Variants in ZFHX4 observed in about 807,000 individuals in gnomAD.
ZFHX4 encodes the protein zinc finger homeobox 4.
A neutral mutation model predicts 267.6 loss-of-function variants in ZFHX4; 56 were observed. The ratio of observed to expected loss-of-function variants is 0.21; its 90% CI spans 0.17 to 0.26. The LOEUF is 0.26. Among genes scored for constraint, ZFHX4 ranks in the 10% least tolerant of loss-of-function variants. ZFHX4 has a pLI of 1.00. For synonymous variants in ZFHX4, 1,778 were observed against 1,665.6 expected (o/e 1.07, Z -1.64); for missense variants, 4,332 against 4,420.0 (o/e 0.98, Z 0.56).
chr8:76,853,191 G>A lies in ZFHX4; in HGVS notation c.6270G>A (p.Ala2090=). The change falls in exon 10 of 11, where the codon GCG becomes GCA. Residue 2090 remains alanine, a synonymous_variant. Coordinates refer to ENST00000651372, the MANE Select transcript of ZFHX4 (RefSeq NM_024721.5). The part of the protein sequence containing the change: ...SIMMQPVQHP[A]LPPQLALQLP... ...TGATGCAACCTGTGCAACACCCTGC[G>A]CTTCCTCCCCAGCTTGCCCTGCAGC... is the stretch of plus-strand genomic sequence containing the variant. The A allele has an allele frequency of 1.3e-6, 2 of 1,555,170 alleles. No individual in the cohort carries two copies. Among genetic ancestry groups the A allele is most frequent in the South Asian group, 1.2e-5 (1 of 84,460 alleles).
intron 4 of ZFHX4, among the ~76,000 whole-genome samples, chr8:76,790,197 A>G (rs935593634): frequency 2.0e-5 from 3 of 152,260 alleles, no homozygotes; most frequent in African/African-American, 7.2e-5. Context: ...TTCTAGTAAT[A>G]ATAATAATTG....
chr8:76,802,178 G>A (rs569994314), intron 4 of ZFHX4, among the ~76,000 whole-genome samples: 95 of 152,208 alleles, frequency 6.2e-4, no homozygotes, highest in African/African-American at 2.3e-3. Context: ...GGAGTGATTT[G>A]TAACACTCAT....
chr8:76,701,167 C>T (rs1808093240), intron 1 of ZFHX4, among the ~76,000 whole-genome samples: 1 of 151,852 alleles, frequency 6.6e-6, no homozygotes, highest in Non-Finnish European at 1.5e-5. Context: ...TCAGAATATA[C>T]TGAAAAACAT....
intron 1 of ZFHX4, among the ~76,000 whole-genome samples, chr8:76,702,857 T>G (rs975706561): frequency 2.0e-5 from 3 of 152,098 alleles, no homozygotes; most frequent in Admixed American, 6.5e-5. Flanking sequence ...ACCACTCCAT[T>G]GTTGTGTACA....
At chr8:76,763,910 A>G (rs1165098894) in intron 3 of ZFHX4, among the ~76,000 whole-genome samples, 1 of 152,214 alleles carries the variant, frequency 6.6e-6, no homozygotes, top group Non-Finnish European at 1.5e-5. Context: ...GATATACATC[A>G]TTGGATATGG....
At chr8:76,683,643 G>C (rs1807611678) in intron 1 of ZFHX4, 1 of 133,734 alleles carries the variant, frequency 7.5e-6, no homozygotes, top group South Asian at 2.2e-4. Context: ...AGAGAGAGAG[G>C]GGGGGAGAGA....
Position 76,707,711 on chromosome 8 carries a change from C to T in ZFHX4, c.2756C>T (p.Ala919Val). 6.2e-7 allele frequency: 1 copy of T among 1,613,718 alleles called. No individual in the cohort carries two copies. The highest frequency in any genetic ancestry group is 1.6e-4 in the Middle Eastern group (1 of 6,062). The change falls in exon 3 of 11, where the codon GCC becomes GTC. Residue 919 changes from alanine (A) to valine (V), a missense_variant. Ala to Val is a moderately conservative substitution (Grantham distance 64). Coordinates refer to ENST00000651372, the MANE Select transcript of ZFHX4 (RefSeq NM_024721.5). ...AAATTCACCTCTGACAGCCTGGAGG[C>T]CCTAAGTGTGCATGTGAGCAGTGAG... is the stretch of plus-strand genomic sequence containing the variant. ...CNKFTSDSLE[A>V]LSVHVSSERS... is the part of the protein sequence containing the mutation.
At chr8:76,733,759 A>G (rs530934212) in intron 3 of ZFHX4, among the ~76,000 whole-genome samples, 2 of 152,136 alleles carry the variant, frequency 1.3e-5, no homozygotes, top group African/African-American at 4.8e-5. Flanking sequence ...TTTTAGTATC[A>G]TGGTCCCCAA....
intron 3 of ZFHX4, among the ~76,000 whole-genome samples, chr8:76,720,872 A>C (rs935528626): frequency 2.0e-5 from 3 of 152,206 alleles, no homozygotes; most frequent in African/African-American, 7.2e-5. Flanking sequence ...AAGGCAATGA[A>C]ATCTTAATTT....
At chr8:76,740,872 G>A (rs565358736) in intron 3 of ZFHX4, among the ~76,000 whole-genome samples, 2 of 152,268 alleles carry the variant, frequency 1.3e-5, no homozygotes, top group Admixed American at 1.3e-4. Flanking sequence ...ACATTTGTGT[G>A]TGAAGTTTTT....
chr8:76,847,096 G>A (rs1384446222), intron 6 of ZFHX4, among the ~76,000 whole-genome samples: 2 of 152,114 alleles, frequency 1.3e-5, no homozygotes, highest in Non-Finnish European at 2.9e-5. Flanking sequence ...GATTTAAATG[G>A]CAATGATTTT....
chr8:76,693,853 G>A (rs10504633), intron 1 of ZFHX4, among the ~76,000 whole-genome samples: 4,948 of 152,264 alleles, frequency 0.032, 108 homozygotes, highest in Non-Finnish European at 0.045. Flanking sequence ...CTGTTTAAGT[G>A]CTCACTGTCA....
intron 3 of ZFHX4, among the ~76,000 whole-genome samples, chr8:76,760,960 A>G (rs1005178992): frequency 4.0e-5 from 6 of 151,546 alleles, no homozygotes; most frequent in Non-Finnish European, 7.4e-5. Flanking sequence ...AGAGAAAAAA[A>G]AGTTAGCCTG....
At chr8:76,754,753 A>G (rs1809719227) in intron 3 of ZFHX4, among the ~76,000 whole-genome samples, 1 of 152,144 alleles carries the variant, frequency 6.6e-6, no homozygotes, top group Non-Finnish European at 1.5e-5. Context: ...ACTTATTGTT[A>G]ACTATATTTA....
At chr8:76,747,349 C>T (rs1051218882) in intron 3 of ZFHX4, among the ~76,000 whole-genome samples, 3 of 151,978 alleles carry the variant, frequency 2.0e-5, no homozygotes, top group African/African-American at 2.4e-5. Context: ...CACTGGGGTT[C>T]GGAGTACAAA....
intron 4 of ZFHX4, among the ~76,000 whole-genome samples, chr8:76,798,902 A>G (rs1223905296): frequency 6.6e-6 from 1 of 152,184 alleles, no homozygotes; most frequent in African/African-American, 2.4e-5. Context: ...CAGATAGAGC[A>G]AATGCATTTG....
In ZFHX4 at chr8:76,854,690, G is replaced by T; in HGVS notation, c.7769G>T (p.Cys2590Phe). The T allele has an allele frequency of 6.2e-7, 1 of 1,613,732 alleles. No individual in the cohort carries two copies. The highest frequency in any genetic ancestry group is 8.5e-7 in the Non-Finnish European group (1 of 1,179,854). ...CTAGACGATAAAGAAGATAATAATT[G>T]CAGTGAAAAAGAAGGAGGGAATAGC... ...RKLDDKEDNN[C>F]SEKEGGNSGE... Residue 2590 changes from cysteine (C) to phenylalanine (F), a missense_variant, in exon 10 of 11, where the codon TGC becomes TTC. By Grantham distance (205) the Cys-to-Phe change is radical. Coordinates refer to ENST00000651372, the MANE Select transcript of ZFHX4 (RefSeq NM_024721.5).
rs1479639401 is a variant in ZFHX4 at position 76,852,189 on chromosome 8, G to A, written c.5268G>A (p.Leu1756=). The part of the protein sequence containing the change: ...TEFSLGPDLG[L]PGSATFGMPG... The stretch of plus-strand genomic sequence containing the variant: ...TCAGCTTGGGGCCAGATTTGGGCTT[G>A]CCAGGCTCTGCCACATTTGGGATGC... Residue 1756 remains leucine, a synonymous_variant, in exon 10 of 11, where the codon TTG becomes TTA. Coordinates refer to ENST00000651372, the MANE Select transcript of ZFHX4 (RefSeq NM_024721.5). 1 of 1,613,868 alleles carries A rather than the reference G, an allele frequency of 6.2e-7. No individual in the cohort carries two copies. The highest frequency in any genetic ancestry group is 8.5e-7 in the Non-Finnish European group (1 of 1,179,840).
chr8:76,713,613 A>T (rs900105054), intron 3 of ZFHX4, among the ~76,000 whole-genome samples: 3 of 152,170 alleles, frequency 2.0e-5, no homozygotes, highest in African/African-American at 7.2e-5. Context: ...TCTTCTCTTC[A>T]TGGAAATATC....
Sources: allele counts gnomAD v4.1 joint callset (sites outside exome capture counted in the v4.1 genomes callset), GRCh38; gene constraint gnomAD v4.1.1; transcripts MANE v1.5; gene names NCBI Gene and HGNC (gene_info 2026-07-23, HGNC 2026-07-21).